PCDHA4: variants seen among roughly 807,000 people sequenced by gnomAD.
PCDHA4 encodes the protein protocadherin alpha 4.
In PCDHA4, 49 loss-of-function variants were observed where a neutral mutation model predicts 61.4. The observed-to-expected ratio is 0.80, with a 90% confidence interval of 0.63 to 1.01. The LOEUF is 1.01. PCDHA4 is among the 50% of genes least tolerant of loss of function. The pLI is 0.00. For missense variants in PCDHA4, 1,254 were observed against 1,235.8 expected (o/e 1.01, Z -0.22); for synonymous variants, 590 against 550.3 (o/e 1.07, Z -1.01).
intron 1 of PCDHA4, among the ~76,000 whole-genome samples, chr5:140,923,822 T>C (rs1377526546): frequency 6.6e-6 from 1 of 152,156 alleles, no homozygotes; most frequent in Non-Finnish European, 1.5e-5. Flanking sequence ...AAAATAGACG[T>C]CAGTGGCAGT....
rs782194896 is a variant in PCDHA4 at position 140,992,662 on chromosome 5, G to A, written c.2533+10099G>A. Among the ~76,000 whole-genome samples, 4 of 152,160 alleles carry A rather than the reference G, an allele frequency of 2.6e-5. 1 individual carries two copies. The highest frequency in any genetic ancestry group is 5.9e-5 in the Non-Finnish European group (4 of 68,028). ...GAAAATAGAAGAAAGAGCCTGATTGGTGTGTATGTGTGTGTTAGGGGTTGA... is the reference window on the plus strand; with the variant it reads ...GAAAATAGAAGAAAGAGCCTGATTGATGTGTATGTGTGTGTTAGGGGTTGA... On this transcript the variant is annotated intron_variant, in intron 3 of 3. Transcript: ENST00000530339.
At chr5:140,992,897 T>G (rs2097532683) in intron 3 of PCDHA4, among the ~76,000 whole-genome samples, 2 of 152,156 alleles carry the variant, frequency 1.3e-5, no homozygotes, top group Admixed American at 1.3e-4. Flanking sequence ...GCTGGATATC[T>G]CCAAAGCTTA....
intron 1 of PCDHA4, chr5:140,927,928 T>C: frequency 6.2e-7 from 1 of 1,614,214 alleles, no homozygotes; most frequent in Non-Finnish European, 8.5e-7. Context: ...CCTGACTCTT[T>C]CGAACCCAGT....
intron 1 of PCDHA4, among the ~76,000 whole-genome samples, chr5:140,946,411 A>G (rs1554217552): frequency 1.1e-4 from 16 of 151,766 alleles, no homozygotes. Context: ...ATCATAGAAA[A>G]CAATATGGAG....
At chr5:140,880,582 A>G (rs2058391478) in intron 1 of PCDHA4, among the ~76,000 whole-genome samples, 1 of 152,230 alleles carries the variant, frequency 6.6e-6, no homozygotes, top group South Asian at 2.1e-4. Flanking sequence ...GAAGAGAGGA[A>G]AGAGAATATG....
chr5:140,928,262 A>T lies in PCDHA4; in HGVS notation c.2386-50687A>T, dbSNP rs199571652. ...CAGCAGGAACTTTTCGTTGCTGAAA[A>T]CAATGGCCCTGGGGCCTCTCTAGGC... is the stretch of plus-strand genomic sequence containing the variant. On this transcript the variant is annotated intron_variant, in intron 1 of 3. Coordinates refer to ENST00000530339, the MANE Select transcript of PCDHA4 (RefSeq NM_018907.4). 20 of 1,614,214 alleles carry T rather than the reference A, an allele frequency of 1.2e-5. No homozygotes were observed. In the Admixed American group the frequency reaches 2.2e-4, roughly 17 times the overall value.
rs1770571221 is a variant in PCDHA4 at position 140,829,790 on chromosome 5, G to C, written c.2385+20218G>C. On this transcript the variant is annotated intron_variant, in intron 1 of 3. Transcript: ENST00000530339. ...GAACGACAACGCGCCGGCGCTGCTG[G>C]CGCCTCGGGTGGGTGGTACTGGTGG... 4 of 1,613,718 alleles carry C rather than the reference G, an allele frequency of 2.5e-6. No individual in the cohort carries two copies. In the East Asian group the frequency reaches 8.9e-5, roughly 36 times the overall value.
chr5:140,871,354 C>A, intron 1 of PCDHA4: 1 of 1,614,210 alleles, frequency 6.2e-7, no homozygotes, highest in Non-Finnish European at 8.5e-7. Flanking sequence ...GTCATACTCG[C>A]AGCAGAGGCG....
At chr5:140,952,746 T>C (rs1554220596) in intron 1 of PCDHA4, among the ~76,000 whole-genome samples, 1 of 152,190 alleles carries the variant, frequency 6.6e-6, no homozygotes, top group Non-Finnish European at 1.5e-5. Context: ...CACACTGCTA[T>C]AAAAACACCT....
intron 1 of PCDHA4, chr5:140,876,879 G>T (rs782299548): frequency 6.2e-7 from 1 of 1,614,150 alleles, no homozygotes; most frequent in Non-Finnish European, 8.5e-7. Context: ...AGAACAACCC[G>T]CCGGGCTGCC....
intron 1 of PCDHA4, chr5:140,809,800 T>C: frequency 2.2e-6 from 1 of 447,862 alleles, no homozygotes; most frequent in Non-Finnish European, 3.9e-6. Flanking sequence ...CTGTAATTTC[T>C]AGTAAATTTT....
In PCDHA4 at chr5:140,882,793, C is replaced by A. The variant is rs1176435531; in HGVS notation, c.2385+73221C>A. 2.5e-6 allele frequency: 4 copies of A among 1,614,092 alleles called. No individual in the cohort carries two copies. In the Admixed American group the frequency reaches 6.7e-5, roughly 27 times the overall value. On this transcript the variant is annotated intron_variant, in intron 1 of 3. Coordinates refer to ENST00000530339, the MANE Select transcript of PCDHA4 (RefSeq NM_018907.4). ...CATTGACCTACCGACTGGATCCCAA[C>A]GATTATTTCACTTTGGACGCACAAA... is the stretch of plus-strand genomic sequence containing the variant.
intron 1 of PCDHA4, chr5:140,854,299 C>A: frequency 2.4e-6 from 1 of 414,144 alleles, no homozygotes; most frequent in Non-Finnish European, 3.2e-6. Context: ...TTATTTTGTG[C>A]GTGGAGATGA....
intron 1 of PCDHA4, among the ~76,000 whole-genome samples, chr5:140,840,883 G>A (rs1212935487): frequency 2.6e-5 from 4 of 151,906 alleles, no homozygotes; most frequent in Non-Finnish European, 5.9e-5. Context: ...TTACATTTCT[G>A]ATATCCATGA....
intron 3 of PCDHA4, among the ~76,000 whole-genome samples, chr5:140,996,886 T>C (rs1396322934): frequency 6.6e-6 from 1 of 152,218 alleles, no homozygotes; most frequent in Non-Finnish European, 1.5e-5. Context: ...TATTTTTAAA[T>C]AAAATAGAAT....
In PCDHA4 at chr5:140,850,262, A is replaced by G. The variant is rs2150476444; in HGVS notation, c.2385+40690A>G. 32 of 1,594,296 alleles carry G rather than the reference A, an allele frequency of 2.0e-5. 1 individual carries two copies. The highest frequency in any genetic ancestry group is 2.7e-5 in the African/African-American group (2 of 74,230). On this transcript the variant is annotated intron_variant, in intron 1 of 3. Transcript: ENST00000530339. ...TGCTGCGGTCGGTGGGCGCCGGCGT[A>G]GTGGTGGGGAAGGTGCGCGCAGTGG...
At chr5:140,972,909 G>T (rs999939821) in intron 1 of PCDHA4, among the ~76,000 whole-genome samples, 18 of 151,942 alleles carry the variant, frequency 1.2e-4, no homozygotes, top group African/African-American at 4.4e-4. Flanking sequence ...TGATCCACCC[G>T]CCTTGGCCTC....
Position 141,010,090 on chromosome 5 carries a change from C to A in PCDHA4, c.*153C>A. On this transcript the variant is annotated 3_prime_UTR_variant, in exon 4 of 4. Transcript: ENST00000530339. ...AAGTTCCCTGTGTCTGTCTAGAACG[C>A]ATTTAACAGGTTTTGTCGTAAAAGC... 1 of 1,612,636 alleles carries A rather than the reference C, an allele frequency of 6.2e-7. No homozygotes were observed. Among genetic ancestry groups the A allele is most frequent in the Non-Finnish European group, 8.5e-7 (1 of 1,179,276 alleles).
intron 1 of PCDHA4, among the ~76,000 whole-genome samples, chr5:140,960,137 T>C (rs2095528767): frequency 6.6e-6 from 1 of 152,232 alleles, no homozygotes; most frequent in African/African-American, 2.4e-5. Flanking sequence ...AATACTTAGA[T>C]ATTAATAGCT....
Sources: allele counts gnomAD v4.1 joint callset (sites outside exome capture counted in the v4.1 genomes callset), GRCh38; gene constraint gnomAD v4.1.1; transcripts MANE v1.5; gene names NCBI Gene and HGNC (gene_info 2026-07-23, HGNC 2026-07-21).